The following MLLT3 variants were observed in gnomAD, a reference collection of about 807,000 sequenced individuals.
The protein encoded by MLLT3 is protein AF-9.
A neutral mutation model predicts 53.2 loss-of-function variants in MLLT3; 4 were observed. The observed-to-expected ratio is 0.08, with a 90% CI of 0.04 to 0.17. The LOEUF (loss-of-function observed/expected upper bound fraction) is 0.17. Ranked by LOEUF, MLLT3 falls within the 10% of genes least tolerant of loss-of-function variation. The pLI is 1.00. For synonymous variants in MLLT3, 283 were observed against 230.6 expected, an observed-to-expected ratio of 1.23 and a Z score of -2.06; for missense variants, 569 against 684.0, an observed-to-expected ratio of 0.83 and a Z score of 1.87.
intron 2 of MLLT3, among the ~76,000 whole-genome samples, chr9:20,524,594 G>C (rs1028020407): frequency 1.3e-5 from 2 of 152,074 alleles, no homozygotes; most frequent in African/African-American, 4.8e-5. Context: ...CTGGGCTCTA[G>C]CAATTCTCCC....
chr9:20,521,192 T>A (rs549572820), intron 2 of MLLT3, among the ~76,000 whole-genome samples: 4 of 152,032 alleles, frequency 2.6e-5, no homozygotes, highest in Non-Finnish European at 5.9e-5. Context: ...TGCCTCAGCC[T>A]CCCTAGCAGC....
chr9:20,413,678 C>A, intron 5 of MLLT3, 43 bp downstream of exon 5: 2 of 1,476,110 alleles, frequency 1.4e-6, no homozygotes, highest in Non-Finnish European at 1.8e-6. Context: ...AAAATAAAAT[C>A]TGAAAATAAG....
At chr9:20,514,646 C>A (rs1324457117) in intron 2 of MLLT3, among the ~76,000 whole-genome samples, 1 of 151,800 alleles carries the variant, frequency 6.6e-6, no homozygotes, top group Non-Finnish European at 1.5e-5. Flanking sequence ...TAGCTGCCAG[C>A]CTTTATGGGA....
intron 4 of MLLT3, among the ~76,000 whole-genome samples, chr9:20,445,561 A>AT (rs1823673171): frequency 6.6e-6 from 1 of 152,142 alleles, no homozygotes; most frequent in African/African-American, 2.4e-5. Context: ...GCTGAAAAAC[A>AT]TTTTTTCCAA....
intron 10 of MLLT3, among the ~76,000 whole-genome samples, chr9:20,350,065 G>A (rs551238482): frequency 1.3e-5 from 2 of 152,284 alleles, no homozygotes; most frequent in East Asian, 3.9e-4. Context: ...TGCTTTCCAG[G>A]AATCCTGATA....
chr9:20,615,971 T>G (rs1200389898), intron 2 of MLLT3, among the ~76,000 whole-genome samples: 1 of 152,158 alleles, frequency 6.6e-6, no homozygotes, highest in East Asian at 1.9e-4. Flanking sequence ...TACCTGTATG[T>G]TAACATATAA....
At chr9:20,548,955 C>T (rs1818857410) in intron 2 of MLLT3, among the ~76,000 whole-genome samples, 1 of 152,018 alleles carries the variant, frequency 6.6e-6, no homozygotes, top group Non-Finnish European at 1.5e-5. Context: ...GCTAGGACTA[C>T]AGCCATGCAT....
chr9:20,526,857 T>G (rs1818216498), intron 2 of MLLT3, among the ~76,000 whole-genome samples: 1 of 152,162 alleles, frequency 6.6e-6, no homozygotes, highest in African/African-American at 2.4e-5. Flanking sequence ...GAAATCACCT[T>G]GTGGTTTAAT....
intron 5 of MLLT3, among the ~76,000 whole-genome samples, chr9:20,411,596 G>A (rs1305163639): frequency 2.0e-5 from 3 of 152,024 alleles, no homozygotes; most frequent in South Asian, 4.1e-4. Context: ...TGTAATCATT[G>A]GATTTGTGGC....
chr9:20,348,394 TG>T (rs1820930866), intron 10 of MLLT3, among the ~76,000 whole-genome samples: 1 of 152,220 alleles, frequency 6.6e-6, no homozygotes, highest in Admixed American at 6.5e-5. Flanking sequence ...ACAATGGGTA[TG>T]CATCTTTTGC....
chr9:20,448,033 T>G lies in MLLT3; in HGVS notation c.420+90A>C. 1.4e-6 allele frequency: 2 copies of G among 1,428,312 alleles called. No individual in the cohort carries two copies. The highest frequency in any genetic ancestry group is 1.9e-6 in the Non-Finnish European group (2 of 1,052,980). 88.5% of individuals were successfully genotyped at this position (1,428,312 alleles called of 1,614,324 possible). A position where few individuals can be genotyped will look rare whatever the true frequency, so the allele number is the denominator to read the frequency against. ...TTACCTCTCCCAAAACCTTATACTTTTTAACACATGAGGAACTAGTTTGTT... is the reference window on the plus strand; with the variant it reads ...TTACCTCTCCCAAAACCTTATACTTGTTAACACATGAGGAACTAGTTTGTT... On this transcript the variant is annotated intron_variant, in intron 4 of 10. Coordinates refer to ENST00000380338, the MANE Select transcript of MLLT3 (RefSeq NM_004529.4). This position sits in a 1 kb window ranked among gnomAD's most constrained non-coding sequence, Gnocchi z 4.0.
At chr9:20,587,861 C>A (rs1820016121) in intron 2 of MLLT3, among the ~76,000 whole-genome samples, 1 of 152,112 alleles carries the variant, frequency 6.6e-6, no homozygotes. Flanking sequence ...TCCCATTTGT[C>A]AATTTTGGCT....
intron 2 of MLLT3, among the ~76,000 whole-genome samples, chr9:20,602,682 C>G (rs1383058018): frequency 1.3e-5 from 2 of 151,630 alleles, no homozygotes; most frequent in Admixed American, 6.6e-5. Flanking sequence ...AATTTGGCAT[C>G]TTGGAGGAGT....
intron 2 of MLLT3, among the ~76,000 whole-genome samples, chr9:20,590,536 C>G (rs1271456150): frequency 6.6e-6 from 1 of 152,174 alleles, no homozygotes; most frequent in East Asian, 1.9e-4. Flanking sequence ...CATTGTCTGT[C>G]TGTCTCTCTC....
chr9:20,452,315 A>G (rs1823860301), intron 3 of MLLT3, among the ~76,000 whole-genome samples: 2 of 152,170 alleles, frequency 1.3e-5, no homozygotes, highest in Non-Finnish European at 1.5e-5. Flanking sequence ...TCATGATAGT[A>G]AGTGAGTTCT....
chr9:20,598,966 G>C (rs115873251), intron 2 of MLLT3, among the ~76,000 whole-genome samples: 2,846 of 152,292 alleles, frequency 0.019, 77 homozygotes, highest in African/African-American at 0.064. Context: ...ATGATTAAGA[G>C]ATGTGCCAAA....
intron 2 of MLLT3, among the ~76,000 whole-genome samples, chr9:20,556,855 T>C (rs1177519559): frequency 5.3e-5 from 8 of 152,176 alleles, no homozygotes; most frequent in South Asian, 2.1e-4. Flanking sequence ...AAGTATATTA[T>C]GTAAAAGGCC....
intron 2 of MLLT3, among the ~76,000 whole-genome samples, chr9:20,492,485 A>T (rs1385285862): frequency 2.0e-5 from 3 of 151,992 alleles, no homozygotes; most frequent in Non-Finnish European, 4.4e-5. Flanking sequence ...TGAACTCAAG[A>T]GGCGATATAA....
rs1442932792 is a variant in MLLT3 at position 20,343,740 on chromosome 9, A to C, written c.*2703T>G. The C allele has an allele frequency of 4.6e-6, 1 of 215,882 alleles. No individual in the cohort carries two copies. The highest frequency in any genetic ancestry group is 9.3e-6 in the Non-Finnish European group (1 of 107,200). 13.4% of individuals were successfully genotyped at this position (215,882 alleles called of 1,614,324 possible). ...AACATCTATTTATATATGTACACCAAAGAAATTAAACCCTGCCATTTTCCC... is the reference window on the plus strand; with the variant it reads ...AACATCTATTTATATATGTACACCACAGAAATTAAACCCTGCCATTTTCCC... On this transcript the variant is annotated 3_prime_UTR_variant, in exon 11 of 11. Coordinates refer to ENST00000380338, the MANE Select transcript of MLLT3 (RefSeq NM_004529.4).
Sources: gnomAD v4.1 joint callset for allele counts (sites outside exome capture counted in the v4.1 genomes callset) on GRCh38, gnomAD v4.1.1 for gene constraint, Gnocchi (gnomAD v3.1) non-coding constraint, MANE v1.5 for transcripts, NCBI Gene and HGNC (gene_info 2026-07-23, HGNC 2026-07-21) for gene names.